CAPN7: variants seen among roughly 807,000 people sequenced by gnomAD.
The protein encoded by CAPN7 is calpain 7.
In CAPN7, 72 loss-of-function variants were observed where a neutral mutation model predicts 115.2. The observed-to-expected ratio is 0.63, with a 90% CI of 0.52 to 0.76. CAPN7 has a LOEUF of 0.76. CAPN7 is among the 30% of genes least tolerant of loss of function. The probability of loss-of-function intolerance (pLI) is 0.00; values close to 1 mark genes in which losing one functional copy is unlikely to be tolerated. For synonymous variants in CAPN7, 344 were observed against 322.3 expected (o/e 1.07, Z -0.72); for missense variants, 905 against 971.5 (o/e 0.93, Z 0.91).
Position 15,250,991 on chromosome 3 carries a change from T to C in CAPN7, c.2265T>C (p.His755=). The change falls in exon 20 of 21, where the codon CAT becomes CAC. Residue 755 remains histidine, a synonymous_variant. Coordinates refer to ENST00000253693, the MANE Select transcript of CAPN7 (RefSeq NM_014296.3). ...TVSTLGDPGP[H]GFLRKSSGDY... The stretch of plus-strand genomic sequence containing the variant: ...CTACTCTAGGAGATCCTGGTCCCCA[T>C]GGCTTTCTGAGGAAATCTAGTGGTG... The C allele has an allele frequency of 6.2e-7, 1 of 1,613,644 alleles. No individual in the cohort carries two copies. The highest frequency in any genetic ancestry group is 8.5e-7 in the Non-Finnish European group (1 of 1,179,586).
At chr3:15,227,134 G>A (rs547548896) in intron 6 of CAPN7, among the ~76,000 whole-genome samples, 9 of 151,976 alleles carry the variant, frequency 5.9e-5, no homozygotes, top group Non-Finnish European at 1.3e-4. Context: ...AAAAGTTTAG[G>A]GAAAGGGGGA....
At chr3:15,234,076 G>C (rs948152493) in intron 11 of CAPN7, 103 bp downstream of exon 11, 131 of 611,818 alleles carry the variant, frequency 2.1e-4, no homozygotes, top group Non-Finnish European at 3.1e-4. Flanking sequence ...AGCACTATGG[G>C]AGGCCAAGGC....
intron 2 of CAPN7, among the ~76,000 whole-genome samples, chr3:15,216,476 T>C (rs1167408040): frequency 6.6e-6 from 1 of 152,210 alleles, no homozygotes; most frequent in African/African-American, 2.4e-5. Flanking sequence ...TTTAACTGGG[T>C]TGTCTTTATT....
chr3:15,209,012 T>C (rs1290075985), intron 1 of CAPN7, among the ~76,000 whole-genome samples: 1 of 152,190 alleles, frequency 6.6e-6, no homozygotes, highest in Non-Finnish European at 1.5e-5. Flanking sequence ...TTTATAATCT[T>C]TTTTCCTTTT....
intron 19 of CAPN7, among the ~76,000 whole-genome samples, chr3:15,249,397 T>G (rs186654959): frequency 7.5e-4 from 115 of 152,338 alleles, no homozygotes; most frequent in African/African-American, 2.6e-3. Flanking sequence ...TTTCTCAGAT[T>G]GTCATTTTTC....
chr3:15,229,089 T>G (rs781139738), intron 8 of CAPN7, 30 bp downstream of exon 8: 21 of 1,471,742 alleles, frequency 1.4e-5, no homozygotes, highest in Admixed American at 6.7e-5. Context: ...TACCTCTTTT[T>G]GTGTAATTGT....
chr3:15,229,827 G>A (rs1490832340), intron 8 of CAPN7, among the ~76,000 whole-genome samples: 1 of 151,996 alleles, frequency 6.6e-6, no homozygotes, highest in Non-Finnish European at 1.5e-5. Flanking sequence ...TACTTTTTCA[G>A]TTTTTAAAAG....
intron 12 of CAPN7, among the ~76,000 whole-genome samples, chr3:15,236,706 C>T (rs1695012277): frequency 6.6e-6 from 1 of 152,206 alleles, no homozygotes; most frequent in Admixed American, 6.5e-5. Flanking sequence ...GACTACAAAC[C>T]TGTACAGCAT....
At chr3:15,228,034 G>GT (rs1353643507) in intron 7 of CAPN7, 69 bp downstream of exon 7, 6 of 1,216,146 alleles carry the variant, frequency 4.9e-6, no homozygotes, top group Middle Eastern at 2.1e-4. Flanking sequence ...ATAGATTTGA[G>GT]TTTTTTCTTA....
Position 15,206,423 on chromosome 3 carries a change from G to T in CAPN7, c.-73G>T. The T allele has an allele frequency of 2.5e-6, 3 of 1,189,790 alleles. No individual in the cohort carries two copies. The highest frequency in any genetic ancestry group is 2.7e-4 in the Middle Eastern group (1 of 3,658). The allele number at this position is 1,189,790 out of a possible 1,614,324, so 73.7% of individuals were successfully genotyped here. ...CGCTCCCGAGTCCTCGCCGCCGCCGGGCCGCCGCAGTCCGCGAAGAGCCGT... is the reference window on the plus strand; with the variant it reads ...CGCTCCCGAGTCCTCGCCGCCGCCGTGCCGCCGCAGTCCGCGAAGAGCCGT... On this transcript the variant is annotated 5_prime_UTR_variant, in exon 1 of 21. Coordinates refer to ENST00000253693, the MANE Select transcript of CAPN7 (RefSeq NM_014296.3).
At chr3:15,236,000 C>G (rs78988883) in intron 12 of CAPN7, among the ~76,000 whole-genome samples, 1 of 151,818 alleles carries the variant, frequency 6.6e-6, no homozygotes, top group Non-Finnish European at 1.5e-5. Flanking sequence ...AAGACCCCAC[C>G]GCTACAAAAA....
chr3:15,240,720 A>G (rs202065668), intron 13 of CAPN7, 34 bp from the exon 14 acceptor site: 1 of 1,571,352 alleles, frequency 6.4e-7, no homozygotes, highest in Non-Finnish European at 8.7e-7. Flanking sequence ...TAGCATTAAG[A>G]TTTTTTTAGA....
rs1575156472 is a variant in CAPN7, at chr3:15,212,167, A to G, written c.166A>G (p.Lys56Glu). The G allele has an allele frequency of 6.2e-7, 1 of 1,610,952 alleles. No individual in the cohort carries two copies. The highest frequency in any genetic ancestry group is 8.5e-7 in the Non-Finnish European group (1 of 1,178,094). The change falls in exon 2 of 21, where the codon AAA (lysine) becomes GAA (glutamate). Residue 56 changes from lysine to glutamate, a missense_variant. Around this residue, in one of 3 missense-constraint regions of CAPN7, gnomAD observed 271 missense variants for 239.6 expected, o/e 1.13. Coordinates refer to ENST00000253693, the MANE Select transcript of CAPN7 (RefSeq NM_014296.3). ...ATCAAGCCTAGAAAATATTCAAGAA[A>G]AAATAACTGAGTATCTGGAAAGAGT... ...AGSSLENIQE[K>E]ITEYLERVQA...
intron 5 of CAPN7, among the ~76,000 whole-genome samples, chr3:15,222,057 G>T (rs1383610280): frequency 6.9e-6 from 1 of 145,798 alleles, no homozygotes; most frequent in Non-Finnish European, 1.5e-5. Flanking sequence ...TCTTTGAAAG[G>T]TTTTACATGC....
At chr3:15,238,906 T>A (rs1695175161) in intron 12 of CAPN7, among the ~76,000 whole-genome samples, 1 of 150,124 alleles carries the variant, frequency 6.7e-6, no homozygotes, top group Admixed American at 6.6e-5. Flanking sequence ...TAGAGCTGGT[T>A]CTCTACCCAT....
intron 1 of CAPN7, among the ~76,000 whole-genome samples, chr3:15,210,647 T>C (rs993930678): frequency 5.1e-5 from 7 of 137,560 alleles, no homozygotes; most frequent in Non-Finnish European, 9.1e-5. Context: ...CAGGCTGGAG[T>C]GCAGTGGCCC....
At chr3:15,214,545 T>C (rs6442504) in intron 2 of CAPN7, among the ~76,000 whole-genome samples, 18,952 of 151,880 alleles carry the variant, frequency 0.12, 3,953 homozygotes, top group African/African-American at 0.43. Context: ...CAACATAGAC[T>C]TCACCCCTAC....
At chr3:15,207,443 A>C (rs146192028) in intron 1 of CAPN7, among the ~76,000 whole-genome samples, 3 of 152,220 alleles carry the variant, frequency 2.0e-5, no homozygotes, top group African/African-American at 7.2e-5. Context: ...CTTTATAAGC[A>C]GTGTACCCTT....
Position 15,251,422 on chromosome 3 carries a change from CTG to C in CAPN7, c.*164_*165del, listed in dbSNP as rs1696000056. ...TGCTTGTCAGGGTGTTTGGTAAGAA[CTG>C]TATATAGTCAGAATTACCTAAATCA... On this transcript the variant is annotated 3_prime_UTR_variant, in exon 21 of 21. Transcript: ENST00000253693. 2 of 596,222 alleles carry C rather than the reference CTG, an allele frequency of 3.4e-6. No individual in the cohort carries two copies. Among genetic ancestry groups the C allele is most frequent in the Non-Finnish European group, 5.7e-6 (2 of 349,740 alleles). 36.9% of individuals were successfully genotyped at this position (596,222 alleles called of 1,614,324 possible). A position where few individuals can be genotyped will look rare whatever the true frequency, so the allele number is the denominator to read the frequency against.
Sources: allele counts gnomAD v4.1 joint callset (sites outside exome capture counted in the v4.1 genomes callset), GRCh38; gene constraint gnomAD v4.1.1; regional missense constraint gnomAD v4.1.1; transcripts MANE v1.5; gene names NCBI Gene and HGNC (gene_info 2026-07-23, HGNC 2026-07-21).